SNTG1: variants seen among roughly 807,000 people sequenced by gnomAD.
The protein encoded by SNTG1 is gamma-1-syntrophin.
A neutral mutation model predicts 74.7 loss-of-function variants in SNTG1; 39 were observed. The observed-to-expected ratio is 0.52, with a 90% CI of 0.40 to 0.68. SNTG1 has a LOEUF of 0.68. SNTG1 is among the 30% of genes least tolerant of loss of function. The pLI, the probability that SNTG1 is intolerant of heterozygous loss-of-function variation, is 0.00. For missense variants in SNTG1, 685 were observed against 609.5 expected (o/e 1.12, Z -1.30); for synonymous variants, 254 against 217.1 (o/e 1.17, Z -1.49).
rs34011488 is a variant in SNTG1, at chr8:50,522,577, C to CTT, written c.467-7582_467-7581dup. 6.4e-4 allele frequency among the ~76,000 whole-genome samples: 81 copies of CTT among 127,082 alleles called. 1 individual carries two copies. Among genetic ancestry groups the CTT allele is most frequent in the African/African-American group, 1.7e-3 (55 of 32,950 alleles). The allele number at this position is 127,082 out of a possible 152,430, so 83.4% of individuals were successfully genotyped here. A position where few individuals can be genotyped will look rare whatever the true frequency, so the allele number is the denominator to read the frequency against. ...TGGAAGGCAGACATTGACTTCCTTCCTTTTTTTTTTTTTTTTTTTGAGACA... is the reference window on the plus strand; with the variant it reads ...TGGAAGGCAGACATTGACTTCCTTCCTTTTTTTTTTTTTTTTTTTTTGAGACA... On this transcript the variant is annotated intron_variant, in intron 9 of 18. Coordinates refer to ENST00000642720, the MANE Select transcript of SNTG1 (RefSeq NM_018967.5).
chr8:50,461,714 G>A (rs373849841), intron 8 of SNTG1, among the ~76,000 whole-genome samples: 2 of 132,240 alleles, frequency 1.5e-5, no homozygotes, highest in East Asian at 4.7e-4. Context: ...TGCTGTTGTT[G>A]TTGTTATTGT....
chr8:50,049,759 T>A (rs1399404391), intron 1 of SNTG1, among the ~76,000 whole-genome samples: 1 of 152,106 alleles, frequency 6.6e-6, no homozygotes, highest in Non-Finnish European at 1.5e-5. Flanking sequence ...CAAAGTATAA[T>A]TTTAGACCAT....
chr8:49,965,662 C>G (rs1811073047), intron 1 of SNTG1, among the ~76,000 whole-genome samples: 1 of 152,072 alleles, frequency 6.6e-6, no homozygotes, highest in Admixed American at 6.5e-5. Flanking sequence ...CCTCTCTAGC[C>G]CCATCAGAAA....
chr8:50,584,754 T>A (rs1013346256), intron 12 of SNTG1, among the ~76,000 whole-genome samples: 1 of 152,118 alleles, frequency 6.6e-6, no homozygotes, highest in Non-Finnish European at 1.5e-5. Context: ...GGATGATGCA[T>A]TAGTGTGCCT....
At chr8:50,113,164 G>A (rs1482932316) in intron 1 of SNTG1, among the ~76,000 whole-genome samples, 1 of 152,038 alleles carries the variant, frequency 6.6e-6, no homozygotes, top group Non-Finnish European at 1.5e-5. Flanking sequence ...GATGGGGATG[G>A]CATTGAATCT....
intron 3 of SNTG1, among the ~76,000 whole-genome samples, chr8:50,400,020 G>A (rs76000474): frequency 6.6e-6 from 1 of 152,168 alleles, no homozygotes; most frequent in Admixed American, 6.5e-5. Context: ...ATATGATAGA[G>A]GGCAAAAGAG....
At chr8:50,540,324 A>G (rs577482230) in intron 11 of SNTG1, among the ~76,000 whole-genome samples, 2 of 152,138 alleles carry the variant, frequency 1.3e-5, no homozygotes, top group Non-Finnish European at 2.9e-5. Flanking sequence ...GGATTTTCTA[A>G]TTATCTTTTT....
chr8:49,942,458 A>T lies in SNTG1; in HGVS notation c.-103+30227A>T, dbSNP rs547834493. 9.9e-5 allele frequency among the ~76,000 whole-genome samples: 15 copies of T among 152,270 alleles called. No homozygotes were observed. The East Asian group carries it at 2.9e-3, about 29-fold the overall frequency. On this transcript the variant is annotated intron_variant, in intron 1 of 18. Transcript: ENST00000642720. ...TATGGTATATTTTCTAAAATTAATA[A>T]ACCAATATCAATGCCATTTTTTTTA...
At chr8:50,548,357 C>A (rs1222596048) in intron 11 of SNTG1, among the ~76,000 whole-genome samples, 1 of 151,926 alleles carries the variant, frequency 6.6e-6, no homozygotes, top group Non-Finnish European at 1.5e-5. Context: ...TAAGAAAGAT[C>A]AGAAAAATAA....
intron 1 of SNTG1, among the ~76,000 whole-genome samples, chr8:50,116,607 C>T (rs1404940351): frequency 6.6e-6 from 1 of 152,212 alleles, no homozygotes; most frequent in Non-Finnish European, 1.5e-5. Context: ...TCTTCATATG[C>T]ACAAAGCATG....
intron 13 of SNTG1, among the ~76,000 whole-genome samples, chr8:50,624,463 T>TG (rs1197963309): frequency 6.6e-6 from 1 of 152,104 alleles, no homozygotes; most frequent in East Asian, 1.9e-4. Flanking sequence ...AAAATGGCCC[T>TG]GGATGTCATT....
At position 50,717,322 on chromosome 8, in the gene SNTG1, G is replaced by A. The variant is rs201057965; in HGVS notation, c.1284+8344G>A. Among the ~76,000 whole-genome samples the A allele has an allele frequency of 4.0e-5, 6 of 151,652 alleles. No individual in the cohort carries two copies. The East Asian group carries it at 9.7e-4, about 24-fold the overall frequency. On this transcript the variant is annotated intron_variant, in intron 17 of 18. Coordinates refer to ENST00000642720, the MANE Select transcript of SNTG1 (RefSeq NM_018967.5). ...TAACTGACTTCAAACTTTTCTCATC[G>A]TATTTTAGTTTACCTTTGCTTAAAT...
chr8:50,100,667 T>C (rs1181243881), intron 1 of SNTG1, among the ~76,000 whole-genome samples: 1 of 152,156 alleles, frequency 6.6e-6, no homozygotes, highest in Non-Finnish European at 1.5e-5. Flanking sequence ...AAGAGAAGCT[T>C]GTTAATTAGA....
intron 3 of SNTG1, among the ~76,000 whole-genome samples, chr8:50,394,677 T>A (rs2092704836): frequency 6.6e-6 from 1 of 152,166 alleles, no homozygotes. Context: ...TAAGTATTAA[T>A]ACACAAGAAT....
intron 13 of SNTG1, among the ~76,000 whole-genome samples, chr8:50,649,365 G>GGTGC (rs2095130162): frequency 6.6e-6 from 1 of 152,142 alleles, no homozygotes. Flanking sequence ...CGGACGTTAT[G>GGTGC]GTGCGTGCCT....
chr8:50,658,716 C>A, intron 15 of SNTG1, 53 bp downstream of exon 15: 1 of 1,213,750 alleles, frequency 8.2e-7, no homozygotes, highest in Non-Finnish European at 1.2e-6. Flanking sequence ...GCAAATAGTG[C>A]CTCTGGGCTC....
chr8:49,971,203 G>A (rs1811637409), intron 1 of SNTG1, among the ~76,000 whole-genome samples: 2 of 152,156 alleles, frequency 1.3e-5, no homozygotes, highest in Admixed American at 6.5e-5. Flanking sequence ...TGGTTTGCAA[G>A]GCTGGTTCAA....
chr8:50,295,243 A>G (rs891578016), intron 2 of SNTG1, among the ~76,000 whole-genome samples: 1 of 152,220 alleles, frequency 6.6e-6, no homozygotes, highest in Non-Finnish European at 1.5e-5. Context: ...AATCCAGGTC[A>G]CTGTAAACAG....
intron 18 of SNTG1, among the ~76,000 whole-genome samples, chr8:50,758,851 C>T (rs547365660): frequency 6.6e-6 from 1 of 152,132 alleles, no homozygotes; most frequent in South Asian, 2.1e-4. Flanking sequence ...AATGGGATTG[C>T]TGGGTCAAAT....
Sources: allele counts gnomAD v4.1 joint callset (sites outside exome capture counted in the v4.1 genomes callset), GRCh38; gene constraint gnomAD v4.1.1; transcripts MANE v1.5; gene names NCBI Gene and HGNC (gene_info 2026-07-23, HGNC 2026-07-21).